Variants in DLG2 observed in about 807,000 individuals in gnomAD.
DLG2 encodes disks large homolog 2.
A neutral mutation model predicts 132.5 loss-of-function variants in DLG2; 45 were observed. That is an observed-to-expected ratio of 0.34 (90% confidence interval 0.27 to 0.44). DLG2 has a LOEUF of 0.44. Among genes scored for constraint, DLG2 ranks in the 20% least tolerant of loss-of-function variants. The pLI is 1.00. For missense variants in DLG2, 1,045 were observed against 1,196.9 expected, an observed-to-expected ratio of 0.87 and a Z score of 1.87; for synonymous variants, 424 against 419.6, an observed-to-expected ratio of 1.01 and a Z score of -0.13.
intron 7 of DLG2, among the ~76,000 whole-genome samples, chr11:84,449,331 A>T (rs1036021443): frequency 4.0e-5 from 6 of 151,890 alleles, no homozygotes. Flanking sequence ...ACCTACATAA[A>T]ACAGAAAGAG....
intron 7 of DLG2, among the ~76,000 whole-genome samples, chr11:84,424,120 T>A (rs1567598389): frequency 6.6e-6 from 1 of 152,162 alleles, no homozygotes; most frequent in South Asian, 2.1e-4. Context: ...CTTGAATAGA[T>A]GCTTTTCAAG....
In DLG2 at chr11:85,278,629, C is replaced by G. The variant is rs1277229999; in HGVS notation, c.186+6591G>C. Among the ~76,000 whole-genome samples, 3 of 151,984 alleles carry G rather than the reference C, an allele frequency of 2.0e-5. No homozygotes were observed. In the East Asian group the frequency reaches 5.8e-4, roughly 29 times the overall value. On this transcript the variant is annotated intron_variant, in intron 4 of 27. Transcript: ENST00000376104. The stretch of plus-strand genomic sequence containing the variant: ...GAAAAAAAAAAGAGCCTAGCCTGGA[C>G]TTTATTTATAAGTATCAGGTTTTAT...
At chr11:85,478,809 G>A (rs1173711882) in intron 3 of DLG2, among the ~76,000 whole-genome samples, 1 of 152,058 alleles carries the variant, frequency 6.6e-6, no homozygotes, top group East Asian at 1.9e-4. Context: ...CAAATAATTG[G>A]TGCTTGGTTG....
intron 7 of DLG2, among the ~76,000 whole-genome samples, chr11:84,423,549 C>A (rs186621321): frequency 5.0e-4 from 76 of 152,270 alleles, no homozygotes; most frequent in Middle Eastern, 3.4e-3. Context: ...ATTCATCACA[C>A]TATGTTGCAA....
intron 6 of DLG2, among the ~76,000 whole-genome samples, chr11:85,025,657 A>G (rs2154142058): frequency 6.6e-6 from 1 of 152,328 alleles, no homozygotes; most frequent in African/African-American, 2.4e-5. Flanking sequence ...AAATCATTCT[A>G]AAATTCACTA....
At chr11:84,604,742 T>C (rs1281174016) in intron 6 of DLG2, among the ~76,000 whole-genome samples, 1 of 152,012 alleles carries the variant, frequency 6.6e-6, no homozygotes, top group Non-Finnish European at 1.5e-5. Context: ...AGGACACTGA[T>C]TTTCATCTTT....
intron 6 of DLG2, among the ~76,000 whole-genome samples, chr11:84,773,232 A>T (rs1339521299): frequency 6.6e-6 from 1 of 152,186 alleles, no homozygotes; most frequent in Non-Finnish European, 1.5e-5. Flanking sequence ...TGAACCAGGA[A>T]TAAAATGAAA....
At chr11:84,545,806 A>C (rs1191835233) in intron 6 of DLG2, 1 of 140,790 alleles carries the variant, frequency 7.1e-6, no homozygotes, top group Admixed American at 9.2e-5. Context: ...CCCAGGCTGG[A>C]GTGAAGTGGT....
chr11:85,321,941 G>A (rs949624059), intron 3 of DLG2, among the ~76,000 whole-genome samples: 2 of 151,898 alleles, frequency 1.3e-5, no homozygotes, highest in Non-Finnish European at 2.9e-5. Context: ...GGGCAGTTCC[G>A]AGAGAAAAAA....
chr11:85,535,669 A>C (rs1467750725), intron 3 of DLG2, among the ~76,000 whole-genome samples: 1 of 152,212 alleles, frequency 6.6e-6, no homozygotes, highest in African/African-American at 2.4e-5. Context: ...TGTCCACACA[A>C]AAATCTGTAC....
At chr11:85,556,479 A>G (rs2076947295) in intron 3 of DLG2, among the ~76,000 whole-genome samples, 1 of 151,898 alleles carries the variant, frequency 6.6e-6, no homozygotes, top group Admixed American at 6.6e-5. Context: ...TTTCTTTACA[A>G]AGTCGATTAT....
intron 4 of DLG2, among the ~76,000 whole-genome samples, chr11:85,224,103 C>A (rs1565181541): frequency 6.6e-6 from 1 of 152,100 alleles, no homozygotes; most frequent in Non-Finnish European, 1.5e-5. Flanking sequence ...TAAAATTAAT[C>A]TATATAAAAC....
At chr11:84,860,870 AG>A (rs945445371) in intron 6 of DLG2, among the ~76,000 whole-genome samples, 2 of 151,894 alleles carry the variant, frequency 1.3e-5, no homozygotes, top group Non-Finnish European at 1.5e-5. Flanking sequence ...CATGAAAGGA[AG>A]GGGGGAGGGG....
At chr11:84,695,163 A>G (rs2058489997) in intron 6 of DLG2, among the ~76,000 whole-genome samples, 1 of 151,588 alleles carries the variant, frequency 6.6e-6, no homozygotes, top group African/African-American at 2.4e-5. Flanking sequence ...TTATACATCT[A>G]CTAGTGCCCT....
At chr11:85,155,734 G>C (rs2077543483) in intron 4 of DLG2, among the ~76,000 whole-genome samples, 1 of 152,046 alleles carries the variant, frequency 6.6e-6, no homozygotes, top group Non-Finnish European at 1.5e-5. Context: ...GCCAGGTGTG[G>C]TGGCATGCGC....
rs369916972 is a variant in DLG2, at chr11:85,274,075, G to A, written c.186+11145C>T. Among the ~76,000 whole-genome samples, 7 of 152,026 alleles carry A rather than the reference G, an allele frequency of 4.6e-5. No individual in the cohort carries two copies. In the South Asian group the frequency reaches 1.3e-3, roughly 27 times the overall value. On this transcript the variant is annotated intron_variant, in intron 4 of 27. Transcript: ENST00000376104. ...AACCACGAGAACACTTGGACACAGG[G>A]TGGGGAACATCACACACTGCGGCTG...
chr11:84,910,212 C>A (rs1005382173), intron 6 of DLG2, among the ~76,000 whole-genome samples: 1 of 152,196 alleles, frequency 6.6e-6, no homozygotes, highest in African/African-American at 2.4e-5. Flanking sequence ...TCAGCCTCTA[C>A]TGCTCCAATC....
At chr11:84,755,798 C>T (rs185066340) in intron 6 of DLG2, among the ~76,000 whole-genome samples, 1 of 152,154 alleles carries the variant, frequency 6.6e-6, no homozygotes, top group African/African-American at 2.4e-5. Flanking sequence ...AAAAAGGAAA[C>T]CTGCCCAATT....
intron 6 of DLG2, among the ~76,000 whole-genome samples, chr11:84,647,587 A>G (rs1206020390): frequency 2.6e-5 from 4 of 152,204 alleles, no homozygotes; most frequent in Non-Finnish European, 5.9e-5. Flanking sequence ...GCGTTTATTT[A>G]AAACATCTTT....
Sources: allele counts gnomAD v4.1 joint callset (sites outside exome capture counted in the v4.1 genomes callset), GRCh38; gene constraint gnomAD v4.1.1; transcripts MANE v1.5; gene names NCBI Gene and HGNC (gene_info 2026-07-23, HGNC 2026-07-21).